Variants in WDPCP observed in about 807,000 individuals in gnomAD.
WDPCP encodes the protein WD repeat containing planar cell polarity effector, also known as WD repeat-containing and planar cell polarity effector protein fritz homolog.
Under a neutral mutation model 93.1 loss-of-function variants are expected in WDPCP, and 71 were observed. The ratio of observed to expected loss-of-function variants is 0.76; its 90% CI spans 0.63 to 0.93. The LOEUF is 0.93. Among genes scored for constraint, WDPCP ranks in the 40% least tolerant of loss-of-function variants. The pLI is 0.00. For synonymous variants in WDPCP, 315 were observed against 315.0 expected (o/e 1.00, Z 0.00); for missense variants, 844 against 887.4 (o/e 0.95, Z 0.62).
rs1010068832 is a variant in WDPCP, at chr2:63,733,295, G to A, written n.308+80327C>T. Among the ~76,000 whole-genome samples, 4 of 148,010 alleles carry A rather than the reference G, an allele frequency of 2.7e-5. No homozygotes were observed. The Admixed American group carries it at 2.7e-4, about 10-fold the overall frequency. ...GCTCACTGCAAGCTCCGCTTCCCGGGTTCACGCCATTCTCCTGCCTCAGCC... is the reference window on the plus strand; with the variant it reads ...GCTCACTGCAAGCTCCGCTTCCCGGATTCACGCCATTCTCCTGCCTCAGCC... On this transcript the variant is annotated intron_variant and non_coding_transcript_variant, in intron 2 of 4. Transcript: ENST00000467687.
At chr2:63,788,948 T>C (rs1039049946) in intron 2 of WDPCP, among the ~76,000 whole-genome samples, 1 of 152,196 alleles carries the variant, frequency 6.6e-6, no homozygotes, top group Non-Finnish European at 1.5e-5. Flanking sequence ...ATCCTCACTA[T>C]GCTGCCCAGG....
At chr2:63,376,920 A>T (rs2104841438) in intron 12 of WDPCP, among the ~76,000 whole-genome samples, 1 of 151,948 alleles carries the variant, frequency 6.6e-6, no homozygotes, top group South Asian at 2.1e-4. Context: ...AAATCTAATG[A>T]TAGAACATGA....
At chr2:63,601,868 C>A (rs1452543468) in intron 3 of WDPCP, among the ~76,000 whole-genome samples, 4 of 152,170 alleles carry the variant, frequency 2.6e-5, no homozygotes, top group African/African-American at 9.7e-5. Context: ...ATAAATTTAT[C>A]TTTTTCTATA....
intron 12 of WDPCP, among the ~76,000 whole-genome samples, chr2:63,314,216 AC>A (rs1219367947): frequency 1.8e-4 from 27 of 149,278 alleles, no homozygotes; most frequent in Admixed American, 1.3e-4. Context: ...TCACTCTGTC[AC>A]CCAGGCTGGA....
At chr2:63,263,462 C>T (rs1480670939) in intron 13 of WDPCP, among the ~76,000 whole-genome samples, 3 of 152,170 alleles carry the variant, frequency 2.0e-5, no homozygotes, top group Non-Finnish European at 2.9e-5. Context: ...AATTTCCTTT[C>T]TCTGTCTCAT....
chr2:63,570,737 A>C (rs1053641162), intron 1 of WDPCP, among the ~76,000 whole-genome samples: 5 of 152,132 alleles, frequency 3.3e-5, no homozygotes, highest in Non-Finnish European at 4.4e-5. Flanking sequence ...AATTTAGTTT[A>C]TTCATATATT....
chr2:63,432,721 T>C (rs577728882), intron 9 of WDPCP, among the ~76,000 whole-genome samples: 3 of 152,314 alleles, frequency 2.0e-5, no homozygotes, highest in African/African-American at 7.2e-5. Flanking sequence ...AAGCAGGCAA[T>C]GTCTAAATCA....
At chr2:63,339,516 T>G (rs1308596561) in intron 12 of WDPCP, among the ~76,000 whole-genome samples, 1 of 152,170 alleles carries the variant, frequency 6.6e-6, no homozygotes, top group African/African-American at 2.4e-5. Flanking sequence ...ATATAAGCGC[T>G]GCTGATTTTT....
chr2:63,622,972 A>G (rs2106633997), intron 3 of WDPCP: 2 of 685,892 alleles, frequency 2.9e-6, no homozygotes, highest in East Asian at 5.5e-5. Context: ...ACGGCGCCCA[A>G]GCAGCTGCTG....
At chr2:63,437,824 C>T in intron 7 of WDPCP, 1 of 1,574,936 alleles carries the variant, frequency 6.3e-7, no homozygotes. Context: ...TATTTAGAAA[C>T]AGGGCTATAA....
chr2:63,343,894 T>C (rs985748654), intron 12 of WDPCP, among the ~76,000 whole-genome samples: 3 of 152,188 alleles, frequency 2.0e-5, no homozygotes, highest in African/African-American at 7.2e-5. Flanking sequence ...TTCATTGATA[T>C]TCTCTATTTG....
At chr2:63,341,321 G>T (rs1222699161) in intron 12 of WDPCP, among the ~76,000 whole-genome samples, 1 of 152,136 alleles carries the variant, frequency 6.6e-6, no homozygotes, top group East Asian at 1.9e-4. Flanking sequence ...TAGAGACAGG[G>T]TTTCACCATA....
At chr2:63,255,453 C>G (rs1681055778) in intron 14 of WDPCP, among the ~76,000 whole-genome samples, 1 of 152,168 alleles carries the variant, frequency 6.6e-6, no homozygotes, top group Non-Finnish European at 1.5e-5. Flanking sequence ...AGGCAGATCC[C>G]TCTTACATGG....
intron 2 of WDPCP, among the ~76,000 whole-genome samples, chr2:63,786,493 T>A (rs1670468284): frequency 6.6e-6 from 1 of 152,170 alleles, no homozygotes; most frequent in Non-Finnish European, 1.5e-5. Flanking sequence ...AGGTCTAGAA[T>A]TTGTTCACAA....
intron 1 of WDPCP, among the ~76,000 whole-genome samples, chr2:63,529,288 G>A (rs778798121): frequency 3.2e-4 from 48 of 152,154 alleles, no homozygotes; most frequent in Non-Finnish European, 5.0e-4. Flanking sequence ...TCCCTGTCTT[G>A]TGCAAGTTTT....
At chr2:63,702,763 C>T (rs1322745668) in intron 2 of WDPCP, among the ~76,000 whole-genome samples, 1 of 150,780 alleles carries the variant, frequency 6.6e-6, no homozygotes, top group Non-Finnish European at 1.5e-5. Context: ...GGTACATGTG[C>T]ACAACGTGCA....
At chr2:63,372,279 C>T (rs566869595) in intron 12 of WDPCP, among the ~76,000 whole-genome samples, 1 of 152,118 alleles carries the variant, frequency 6.6e-6, no homozygotes, top group Non-Finnish European at 1.5e-5. Flanking sequence ...AAATAATCCA[C>T]CCCCATGATC....
At chr2:63,125,414 T>C (rs1197804286) in intron 17 of WDPCP, among the ~76,000 whole-genome samples, 2 of 152,216 alleles carry the variant, frequency 1.3e-5, no homozygotes, top group Non-Finnish European at 2.9e-5. Flanking sequence ...TCTATGTGAC[T>C]AGAATGTCTA....
chr2:63,839,825 G>T, the WDPCP span, among the ~76,000 whole-genome samples: 1 of 152,046 alleles, frequency 6.6e-6, no homozygotes, highest in Non-Finnish European at 1.5e-5. Flanking sequence ...TTTTGTCTGG[G>T]GAAAATTCGT....
Sources: allele counts gnomAD v4.1 joint callset (sites outside exome capture counted in the v4.1 genomes callset), GRCh38; gene constraint gnomAD v4.1.1; transcripts MANE v1.5; gene names NCBI Gene and HGNC (gene_info 2026-07-23, HGNC 2026-07-21).